KLB: variants seen among roughly 807,000 people sequenced by gnomAD.
KLB encodes the protein beta-klotho.
KLB carries 44 observed loss-of-function variants against 88.4 expected under a neutral mutation model. The observed-to-expected ratio is 0.50, with a 90% CI of 0.39 to 0.64. KLB has a LOEUF of 0.64. Among genes scored for constraint, KLB ranks in the 30% least tolerant of loss-of-function variants. The pLI, the probability that KLB is intolerant of heterozygous loss-of-function variation, is 0.00. For missense variants in KLB, 1,137 were observed against 1,304.8 expected (o/e 0.87, Z 1.98); for synonymous variants, 548 against 513.4 (o/e 1.07, Z -0.91).
chr4:39,410,035 T>C (rs1325010810), intron 1 of KLB, among the ~76,000 whole-genome samples: 1 of 152,254 alleles, frequency 6.6e-6, no homozygotes, highest in East Asian at 1.9e-4. Context: ...AGGACGCTAC[T>C]GTTAATAGTT....
chr4:39,439,924 T>C (rs985780104), intron 3 of KLB, among the ~76,000 whole-genome samples: 4 of 152,060 alleles, frequency 2.6e-5, no homozygotes, highest in African/African-American at 9.7e-5. Flanking sequence ...CACCCCGGCC[T>C]CCCAAAGTGC....
intron 1 of KLB, among the ~76,000 whole-genome samples, chr4:39,425,084 A>C (rs553546938): frequency 4.6e-5 from 7 of 152,216 alleles, no homozygotes; most frequent in Non-Finnish European, 8.8e-5. Context: ...AAAGCCTTAA[A>C]TATCATTACA....
intron 1 of KLB, among the ~76,000 whole-genome samples, chr4:39,419,620 A>G (rs1031248653): frequency 1.3e-5 from 2 of 151,916 alleles, no homozygotes; most frequent in African/African-American, 4.8e-5. Flanking sequence ...TGAAAATACA[A>G]GAAAAATAAG....
Position 39,407,713 on chromosome 4 carries a change from A to G in KLB, c.764A>G (p.His255Arg), listed in dbSNP as rs370857664. 4.3e-6 allele frequency: 7 copies of G among 1,612,968 alleles called. No homozygotes were observed. Among genetic ancestry groups the G allele is most frequent in the Non-Finnish European group, 4.2e-6 (5 of 1,178,976 alleles). ...TGGCATGGGTATGGGACAGGTATGC[A>G]TGCCCCTGGAGAGAAGGGAAATTTA... ...VAWHGYGTGM[H>R]APGEKGNLAA... The change falls in exon 1 of 5, where the codon CAT (histidine) becomes CGT (arginine). Residue 255 changes from histidine (H) to arginine (R), a missense_variant. His to Arg is a conservative substitution (Grantham distance 29, BLOSUM62 0). This residue lies in a region of KLB where 597 missense variants were observed against 765.2 expected (regional missense o/e 0.78). Coordinates refer to ENST00000257408, the MANE Select transcript of KLB (RefSeq NM_175737.4).
At chr4:39,423,304 T>C (rs1743129568) in intron 1 of KLB, among the ~76,000 whole-genome samples, 1 of 151,904 alleles carries the variant, frequency 6.6e-6, no homozygotes, top group Non-Finnish European at 1.5e-5. Context: ...CCAAATTTGC[T>C]GACAGGTCCT....
intron 3 of KLB, among the ~76,000 whole-genome samples, chr4:39,445,504 CT>C (rs10634518): frequency 0.034 from 4,424 of 131,654 alleles, 98 homozygotes; most frequent in Middle Eastern, 0.13. Context: ...CTTTTCTTTT[CT>C]TTTTTTTTTT....
At position 39,432,101 on chromosome 4, in the gene KLB, A is replaced by G. The variant is rs1261252119; in HGVS notation, c.826-2109A>G. On this transcript the variant is annotated intron_variant, in intron 1 of 4. Transcript: ENST00000257408. ...CAGGAGTTCGAGACCAGCCTGGCCAACATGGTGGAGCCCCACCTCTACTAA... is the reference window on the plus strand; with the variant it reads ...CAGGAGTTCGAGACCAGCCTGGCCAGCATGGTGGAGCCCCACCTCTACTAA... Among the ~76,000 whole-genome samples the G allele has an allele frequency of 5.3e-5, 8 of 152,208 alleles. No individual in the cohort carries two copies. The South Asian group carries it at 1.7e-3, about 32-fold the overall frequency.
chr4:39,407,822 T>A (rs752836575), intron 1 of KLB, 48 bp downstream of exon 1: 6 of 1,123,966 alleles, frequency 5.3e-6, no homozygotes, highest in Non-Finnish European at 7.4e-6. Context: ...ACACTAAGAA[T>A]TTAAGAATTT....
At chr4:39,419,165 A>G (rs980061955) in intron 1 of KLB, among the ~76,000 whole-genome samples, 5 of 152,120 alleles carry the variant, frequency 3.3e-5, no homozygotes, top group Non-Finnish European at 7.4e-5. Context: ...CAAGAGAGCA[A>G]TATTTACTTT....
chr4:39,427,133 G>A (rs757897253), intron 1 of KLB, among the ~76,000 whole-genome samples: 1 of 152,082 alleles, frequency 6.6e-6, no homozygotes, highest in Non-Finnish European at 1.5e-5. Context: ...CCAGGAGTTC[G>A]ATACCAGCCT....
At chr4:39,437,124 G>A (rs1743488664) in intron 2 of KLB, among the ~76,000 whole-genome samples, 1 of 152,180 alleles carries the variant, frequency 6.6e-6, no homozygotes, top group Admixed American at 6.5e-5. Context: ...TTAAAAATGA[G>A]GAAACCGAGG....
At chr4:39,424,672 C>A (rs976070543) in intron 1 of KLB, among the ~76,000 whole-genome samples, 1 of 149,248 alleles carries the variant, frequency 6.7e-6, no homozygotes, top group African/African-American at 2.6e-5. Context: ...CGCACTGTTG[C>A]CCAGGCTGGA....
Position 39,446,802 on chromosome 4 carries a change from C to A in KLB, c.2076C>A (p.Asn692Lys). The A allele has an allele frequency of 1.2e-6, 2 of 1,612,460 alleles. No individual in the cohort carries two copies. The highest frequency in any genetic ancestry group is 1.7e-6 in the Non-Finnish European group (2 of 1,179,566). ...TGGTGAAGCTCTGGATCACCATCAA[C>A]GAGCCTAACCGGCTAAGTGACATCT... ...GDLVKLWITINEPNRLSDIYN... is the reference protein window; with the variant it reads ...GDLVKLWITIKEPNRLSDIYN... The change falls in exon 4 of 5, where the codon AAC becomes AAA. Residue 692 changes from asparagine to lysine, a missense_variant. Asn to Lys is a moderately conservative substitution (Grantham distance 94, BLOSUM62 0). Transcript: ENST00000257408. This position sits in a 1 kb window ranked among gnomAD's most constrained non-coding sequence, Gnocchi z 6.4.
chr4:39,436,916 C>A (rs1278270641), intron 2 of KLB, among the ~76,000 whole-genome samples: 1 of 151,966 alleles, frequency 6.6e-6, no homozygotes, highest in African/African-American at 2.4e-5. Flanking sequence ...CACTATGTTG[C>A]CCAGGCTGGT....
intron 1 of KLB, among the ~76,000 whole-genome samples, chr4:39,415,192 C>T (rs1306744259): frequency 2.0e-5 from 3 of 152,090 alleles, no homozygotes; most frequent in East Asian, 3.9e-4. Context: ...AGATTACAGG[C>T]GTGAGCCACT....
At position 39,413,402 on chromosome 4, in the gene KLB, T is replaced by C. The variant is rs75308634; in HGVS notation, c.825+5628T>C. Among the ~76,000 whole-genome samples, 966 of 152,158 alleles carry C rather than the reference T, an allele frequency of 6.3e-3. 14 individuals carry two copies. Among genetic ancestry groups the C allele is most frequent in the African/African-American group, 0.022 (929 of 41,512 alleles). On this transcript the variant is annotated intron_variant, in intron 1 of 4. Coordinates refer to ENST00000257408, the MANE Select transcript of KLB (RefSeq NM_175737.4). Reference sequence around the variant, plus strand: ...GCTCATGAGACAATAACTCATTCTGTTTATTACTCCACTAAATATTGCCAA... The same window carrying C: ...GCTCATGAGACAATAACTCATTCTGCTTATTACTCCACTAAATATTGCCAA...
rs570782502 is a variant in KLB, at chr4:39,448,319, T to C, written c.2768T>C (p.Val923Ala). Residue 923 changes from valine (V) to alanine (A), a missense_variant, in exon 5 of 5, where the codon GTC (valine) becomes GCC (alanine). Coordinates refer to ENST00000257408, the MANE Select transcript of KLB (RefSeq NM_175737.4). The stretch of plus-strand genomic sequence containing the variant: ...TTTTCAGCATACCTGATTGATAAAG[T>C]CAGAATCAAAGGCTATTATGCATTC... The part of the protein sequence containing the change: ...EVLKAYLIDK[V>A]RIKGYYAFKL... The C allele has an allele frequency of 6.3e-7, 1 of 1,597,972 alleles. No homozygotes were observed. Among genetic ancestry groups the C allele is most frequent in the African/African-American group, 1.3e-5 (1 of 74,400 alleles).
At position 39,446,993 on chromosome 4, in the gene KLB, C is replaced by T. The variant is rs1743764695; in HGVS notation, c.2267C>T (p.Ser756Leu). ...GAACCCGCCAACCCCTATGCTGACT[C>T]GCACTGGAGGGCGGCCGAGCGCTTC... ...WAEPANPYAD[S>L]HWRAAERFLQ... Residue 756 changes from serine (S) to leucine (L), a missense_variant, in exon 4 of 5, where the codon TCG (serine) becomes TTG (leucine). Physicochemically the swap from Ser to Leu is moderately radical, Grantham distance 145. Coordinates refer to ENST00000257408, the MANE Select transcript of KLB (RefSeq NM_175737.4). The surrounding 1 kb of genome is among the most constrained non-coding windows in gnomAD (Gnocchi z 6.4). 1 of 1,609,518 alleles carries T rather than the reference C, an allele frequency of 6.2e-7. No individual in the cohort carries two copies. The highest frequency in any genetic ancestry group is 1.3e-5 in the African/African-American group (1 of 74,944).
At chr4:39,428,195 G>A (rs1743262229) in intron 1 of KLB, among the ~76,000 whole-genome samples, 1 of 152,172 alleles carries the variant, frequency 6.6e-6, no homozygotes, top group South Asian at 2.1e-4. Flanking sequence ...GAGAGGCCAA[G>A]GCAGGCGGAT....
Sources: gnomAD v4.1 joint callset for allele counts (sites outside exome capture counted in the v4.1 genomes callset) on GRCh38, gnomAD v4.1.1 for gene constraint, gnomAD v4.1.1 regional missense constraint, Gnocchi (gnomAD v3.1) non-coding constraint, MANE v1.5 for transcripts, NCBI Gene and HGNC (gene_info 2026-07-23, HGNC 2026-07-21) for gene names.